SULF1: variants seen among roughly 807,000 people sequenced by gnomAD.
The protein encoded by SULF1 is extracellular sulfatase Sulf-1.
Under a neutral mutation model 110.5 loss-of-function variants are expected in SULF1, and 46 were observed. The observed-to-expected ratio is 0.42, with a 90% confidence interval of 0.33 to 0.53. SULF1 has a LOEUF of 0.53. Among genes scored for constraint, SULF1 ranks in the 20% least tolerant of loss-of-function variants. The pLI, the probability that SULF1 is intolerant of heterozygous loss-of-function variation, is 0.12. For missense variants in SULF1, 941 were observed against 1,094.2 expected, an observed-to-expected ratio of 0.86 and a Z score of 1.98; for synonymous variants, 371 against 387.1, an observed-to-expected ratio of 0.96 and a Z score of 0.49.
At chr8:69,512,472 A>G (rs887470525) in intron 3 of SULF1, among the ~76,000 whole-genome samples, 2 of 152,218 alleles carry the variant, frequency 1.3e-5, no homozygotes, top group African/African-American at 2.4e-5. Flanking sequence ...TTGTAAAAAG[A>G]CAATGGAGAG....
intron 3 of SULF1, among the ~76,000 whole-genome samples, chr8:69,533,938 C>T (rs986425660): frequency 6.6e-6 from 1 of 152,004 alleles, no homozygotes; most frequent in Non-Finnish European, 1.5e-5. Flanking sequence ...AAATAATAGT[C>T]TAGAAAAAAA....
At chr8:69,577,696 G>A (rs981576219) in intron 6 of SULF1, among the ~76,000 whole-genome samples, 28 of 152,140 alleles carry the variant, frequency 1.8e-4, no homozygotes, top group African/African-American at 6.5e-4. Flanking sequence ...CAAGAAAGAA[G>A]GGAACTCCAT....
chr8:69,637,267 A>G (rs899202098), intron 19 of SULF1, among the ~76,000 whole-genome samples: 5 of 152,248 alleles, frequency 3.3e-5, no homozygotes, highest in East Asian at 1.9e-4. Context: ...TCAACTTCCA[A>G]TGGTCCACCA....
intron 3 of SULF1, among the ~76,000 whole-genome samples, chr8:69,556,396 C>T (rs923497662): frequency 6.6e-6 from 1 of 152,198 alleles, no homozygotes; most frequent in Non-Finnish European, 1.5e-5. Flanking sequence ...TCTTCCCTTG[C>T]TTCCTGGTCT....
chr8:69,513,619 C>G (rs1016457924), intron 3 of SULF1, among the ~76,000 whole-genome samples: 4 of 152,168 alleles, frequency 2.6e-5, no homozygotes, highest in Non-Finnish European at 5.9e-5. Context: ...ATCAGAAAAG[C>G]CACATTTGTG....
At chr8:69,563,078 A>C (rs1815620581) in intron 3 of SULF1, 1 of 152,298 alleles carries the variant, frequency 6.6e-6, no homozygotes, top group Non-Finnish European at 1.5e-5. Flanking sequence ...AGAATGATAT[A>C]ATGCAGATGA....
At chr8:69,584,822 C>G (rs1282864591) in intron 6 of SULF1, among the ~76,000 whole-genome samples, 2 of 152,152 alleles carry the variant, frequency 1.3e-5, no homozygotes, top group African/African-American at 2.4e-5. Flanking sequence ...AGGTCAGGGA[C>G]CATCTGTAGT....
At position 69,550,152 on chromosome 8, in the gene SULF1, G is replaced by A. The variant is rs114175871; in HGVS notation, c.-133-13387G>A. Among the ~76,000 whole-genome samples the A allele has an allele frequency of 2.2e-3, 335 of 151,336 alleles. 1 individual carries two copies. The highest frequency in any genetic ancestry group is 7.7e-3 in the African/African-American group (318 of 41,216). ...CTTTTAGAGTGTAAATGCACTTCAA[G>A]AGAAAATACAAAAACAGAACACTTA... On this transcript the variant is annotated intron_variant, in intron 3 of 22. Transcript: ENST00000402687.
intron 3 of SULF1, among the ~76,000 whole-genome samples, chr8:69,515,644 G>A (rs932847617): frequency 1.3e-5 from 2 of 152,188 alleles, no homozygotes; most frequent in African/African-American, 4.8e-5. Context: ...TGGTCAGACT[G>A]CAAATTTTCC....
intron 1 of SULF1, among the ~76,000 whole-genome samples, chr8:69,494,309 A>G (rs1485886586): frequency 2.0e-5 from 3 of 152,188 alleles, no homozygotes; most frequent in Admixed American, 6.5e-5. Flanking sequence ...TGTTGTATCT[A>G]TCTAGTGCTC....
At chr8:69,562,122 G>T (rs543685750) in intron 3 of SULF1, among the ~76,000 whole-genome samples, 2 of 152,332 alleles carry the variant, frequency 1.3e-5, no homozygotes, top group East Asian at 3.9e-4. Context: ...TTTAAAAACC[G>T]ATTTCTTCTT....
At chr8:69,606,221 T>A (rs564208325) in intron 13 of SULF1, among the ~76,000 whole-genome samples, 1 of 152,302 alleles carries the variant, frequency 6.6e-6, no homozygotes, top group Non-Finnish European at 1.5e-5. Context: ...CCCTTTGAAA[T>A]AGAAGAGGAT....
intron 3 of SULF1, among the ~76,000 whole-genome samples, chr8:69,553,157 C>T (rs1814851491): frequency 1.3e-5 from 2 of 152,232 alleles, no homozygotes; most frequent in South Asian, 2.1e-4. Flanking sequence ...GATCTCTTCC[C>T]TGAAGCCATA....
At chr8:69,472,039 A>G (rs1053682263) in intron 1 of SULF1, among the ~76,000 whole-genome samples, 3 of 151,946 alleles carry the variant, frequency 2.0e-5, no homozygotes, top group Non-Finnish European at 4.4e-5. Context: ...TGCTCTTGGC[A>G]TTTAGGGATT....
intron 3 of SULF1, 132 bp downstream of exon 3, chr8:69,502,100 T>C (rs1272036997): frequency 6.6e-6 from 1 of 152,256 alleles, no homozygotes; most frequent in Admixed American, 6.5e-5. Context: ...AATGGTCCTC[T>C]ACCTTCCCAT....
At chr8:69,516,431 GAAC>G (rs1418538345) in intron 3 of SULF1, among the ~76,000 whole-genome samples, 2 of 151,224 alleles carry the variant, frequency 1.3e-5, no homozygotes, top group African/African-American at 4.9e-5. Flanking sequence ...ACTATTATGA[GAAC>G]AACAAGAGGG....
chr8:69,534,549 A>T lies in SULF1; in HGVS notation c.-133-28990A>T, dbSNP rs1267012121. Among the ~76,000 whole-genome samples the T allele has an allele frequency of 3.9e-5, 6 of 152,352 alleles. No homozygotes were observed. In the East Asian group the frequency reaches 1.2e-3, roughly 29 times the overall value. On this transcript the variant is annotated intron_variant, in intron 3 of 22. Coordinates refer to ENST00000402687, the MANE Select transcript of SULF1 (RefSeq NM_001128205.2). ...ATAAGAACAAGTATTCCTTCCAGGA[A>T]GGTAGGAATATTACATTTCTTCTAC... is the stretch of plus-strand genomic sequence containing the variant.
intron 1 of SULF1, among the ~76,000 whole-genome samples, chr8:69,474,614 A>G (rs1418837795): frequency 6.6e-6 from 1 of 152,210 alleles, no homozygotes; most frequent in Non-Finnish European, 1.5e-5. Context: ...TCCGAATATA[A>G]CAGATAAATA....
intron 3 of SULF1, among the ~76,000 whole-genome samples, chr8:69,555,069 G>C (rs1815015721): frequency 6.7e-6 from 1 of 149,748 alleles, no homozygotes; most frequent in African/African-American, 2.5e-5. Flanking sequence ...TCCAAGCAAA[G>C]GCATTGGCTT....
Sources: gnomAD v4.1 joint callset for allele counts (sites outside exome capture counted in the v4.1 genomes callset) on GRCh38, gnomAD v4.1.1 for gene constraint, MANE v1.5 for transcripts, NCBI Gene and HGNC (gene_info 2026-07-23, HGNC 2026-07-21) for gene names.